EIF5B: variants seen among roughly 807,000 people sequenced by gnomAD.
The protein encoded by EIF5B is eukaryotic translation initiation factor 5B, also known as eIF-5B.
Under a neutral mutation model 147.5 loss-of-function variants are expected in EIF5B, and 47 were observed. That is an observed-to-expected ratio of 0.32 (90% CI 0.25 to 0.41). The LOEUF (loss-of-function observed/expected upper bound fraction) is 0.41, where lower values mean the gene tolerates loss of function less well. EIF5B is among the 10% of genes least tolerant of loss of function. EIF5B has a pLI of 1.00. For synonymous variants in EIF5B, 455 were observed against 456.2 expected (o/e 1.00, Z 0.03); for missense variants, 1,064 against 1,413.2 (o/e 0.75, Z 3.96).
intron 7 of EIF5B, 147 bp downstream of exon 7, chr2:99,368,738 A>G (rs1674378411): frequency 6.2e-6 from 4 of 646,388 alleles, no homozygotes; most frequent in Non-Finnish European, 1.1e-5. Flanking sequence ...TATTAATGCC[A>G]TTATTCTCAC....
At chr2:99,364,621 A>G (rs1440825917) in intron 6 of EIF5B, among the ~76,000 whole-genome samples, 200 bp downstream of exon 6, 3 of 152,236 alleles carry the variant, frequency 2.0e-5, no homozygotes, top group African/African-American at 4.8e-5. Flanking sequence ...ATAAAAATTT[A>G]TATGTAAATG....
At chr2:99,338,318 TAG>T (rs2094249153) in intron 1 of EIF5B, 1 of 1,288,928 alleles carries the variant, frequency 7.8e-7, no homozygotes, top group Non-Finnish European at 1.0e-6. Context: ...GTTACTTACC[TAG>T]AGATTTTTGA....
chr2:99,340,345 A>G (rs984204116), intron 1 of EIF5B, among the ~76,000 whole-genome samples: 1 of 152,212 alleles, frequency 6.6e-6, no homozygotes, highest in Admixed American at 6.5e-5. Context: ...TAGGATTAGT[A>G]TTCTTGTTTG....
rs797002764 is a variant in EIF5B at position 99,381,518 on chromosome 2, G to GTGTGTGTGTGT, written c.2062-641_2062-640insTGTGTGTGTGT. ...GTAGATAAGCATAATACAAAAAGGG[G>GTGTGTGTGTGT]GTGTGTGTGTGTGTGTGTGTGTGTG... On this transcript the variant is annotated intron_variant, in intron 12 of 23. Transcript: ENST00000289371. Among the ~76,000 whole-genome samples the GTGTGTGTGTGT allele has an allele frequency of 5.1e-3, 728 of 143,056 alleles. 9 individuals carry two copies. The highest frequency in any genetic ancestry group is 0.015 in the African/African-American group (566 of 38,286). The allele number at this position is 143,056 out of a possible 152,430, so 93.9% of individuals were successfully genotyped here.
intron 22 of EIF5B, 131 bp from the exon 23 acceptor site, chr2:99,398,617 A>T (rs1267649378): frequency 2.2e-6 from 2 of 929,504 alleles, no homozygotes; most frequent in African/African-American, 3.4e-5. Flanking sequence ...ACCGTGAGTG[A>T]TGAAAGGATC....
chr2:99,367,421 A>T (rs1008674317), intron 6 of EIF5B, among the ~76,000 whole-genome samples: 1 of 136,696 alleles, frequency 7.3e-6, no homozygotes, highest in Admixed American at 8.7e-5. Flanking sequence ...CATTCAGAGC[A>T]GTTGAAACTC....
intron 6 of EIF5B, among the ~76,000 whole-genome samples, chr2:99,364,850 A>G (rs1674295153): frequency 6.6e-6 from 1 of 151,338 alleles, no homozygotes; most frequent in Admixed American, 6.6e-5. Context: ...GTTTGCCCAC[A>G]TGACCACGGT....
At chr2:99,379,965 C>A (rs1188500962) in intron 12 of EIF5B, among the ~76,000 whole-genome samples, 2 of 152,238 alleles carry the variant, frequency 1.3e-5, no homozygotes, top group Non-Finnish European at 1.5e-5. Flanking sequence ...TGTAGCTTTC[C>A]AATCAAAGAT....
At position 99,368,590 on chromosome 2, in the gene EIF5B, A is replaced by G; in HGVS notation, c.1386A>G (p.Glu462=). 6.2e-7 allele frequency: 1 copy of G among 1,605,594 alleles called. No individual in the cohort carries two copies. The highest frequency in any genetic ancestry group is 8.5e-7 in the Non-Finnish European group (1 of 1,172,858). The part of the protein sequence containing the change: ...KKIPQQLESK[E]VSESMELCAA... Reference sequence around the variant, plus strand: ...TACCACAGCAGCTAGAAAGTAAAGAAGGTTTGTATACAAAATAGCCTCTAA... The same window carrying G: ...TACCACAGCAGCTAGAAAGTAAAGAGGGTTTGTATACAAAATAGCCTCTAA... Residue 462 remains glutamate, a splice_region_variant and synonymous_variant, in exon 7 of 24, where the codon GAA becomes GAG. Coordinates refer to ENST00000289371, the MANE Select transcript of EIF5B (RefSeq NM_015904.4).
chr2:99,399,119 T>G (rs927270275), intron 23 of EIF5B, 188 bp from the exon 24 acceptor site: 6 of 776,208 alleles, frequency 7.7e-6, no homozygotes, highest in Non-Finnish European at 1.2e-5. Context: ...CTAGGACTTT[T>G]AGGTCCCCTC....
intron 8 of EIF5B, 85 bp from the exon 9 acceptor site, chr2:99,371,571 C>A: frequency 9.9e-7 from 1 of 1,012,876 alleles, no homozygotes. Context: ...TTTTTTATGT[C>A]AGAGCATAAT....
chr2:99,363,996 C>T, intron 5 of EIF5B, 134 bp downstream of exon 5: 1 of 1,063,278 alleles, frequency 9.4e-7, no homozygotes, highest in Non-Finnish European at 1.3e-6. Context: ...TGTTCCGATA[C>T]AAATAATAAG....
At chr2:99,386,819 A>G (rs1436685757) in intron 14 of EIF5B, among the ~76,000 whole-genome samples, 1 of 152,164 alleles carries the variant, frequency 6.6e-6, no homozygotes, top group Non-Finnish European at 1.5e-5. Flanking sequence ...TGCTGGGATT[A>G]CAGGCGTGAG....
At chr2:99,370,958 T>C (rs1467414564) in intron 8 of EIF5B, among the ~76,000 whole-genome samples, 2 of 152,148 alleles carry the variant, frequency 1.3e-5, no homozygotes, top group Non-Finnish European at 2.9e-5. Context: ...AAATAATAAA[T>C]TCCTTGCATA....
intron 1 of EIF5B, among the ~76,000 whole-genome samples, chr2:99,351,688 T>G (rs374687348): frequency 2.1e-4 from 23 of 110,000 alleles, no homozygotes; most frequent in Non-Finnish European, 2.8e-4. Flanking sequence ...TATCATTGTG[T>G]TTTTTTTTTG....
chr2:99,382,855 C>G lies in EIF5B; in HGVS notation c.2205C>G (p.Pro735=). ...LVVDIMHGLE[P]QTIESINLLK... is the part of the protein sequence containing the mutation. ...TTGATATTATGCATGGTTTGGAGCCCCAGACAATTGAGTCTATCAACCTTC... is the reference window on the plus strand; with the variant it reads ...TTGATATTATGCATGGTTTGGAGCCGCAGACAATTGAGTCTATCAACCTTC... The change falls in exon 14 of 24, where the codon CCC becomes CCG. Residue 735 remains proline (P), a synonymous_variant. Coordinates refer to ENST00000289371, the MANE Select transcript of EIF5B (RefSeq NM_015904.4). The G allele has an allele frequency of 6.2e-7, 1 of 1,611,982 alleles. No individual in the cohort carries two copies. The highest frequency in any genetic ancestry group is 8.5e-7 in the Non-Finnish European group (1 of 1,179,124).
chr2:99,354,386 GA>G (rs1273777430), intron 1 of EIF5B, among the ~76,000 whole-genome samples: 1 of 152,090 alleles, frequency 6.6e-6, no homozygotes, highest in Non-Finnish European at 1.5e-5. Context: ...GGATTGTTTG[GA>G]TTTATTTTAC....
chr2:99,340,742 T>C (rs2094257527), intron 1 of EIF5B: 1 of 152,218 alleles, frequency 6.6e-6, no homozygotes, highest in Admixed American at 6.5e-5. Flanking sequence ...AAGACCAAGT[T>C]CTAGAATTCT....
At chr2:99,363,992 G>A (rs1377617773) in intron 5 of EIF5B, 130 bp downstream of exon 5, 28 of 1,066,796 alleles carry the variant, frequency 2.6e-5, no homozygotes, top group South Asian at 1.1e-4. Context: ...TTATTGTTCC[G>A]ATACAAATAA....
Sources: gnomAD v4.1 joint callset for allele counts (sites outside exome capture counted in the v4.1 genomes callset) on GRCh38, gnomAD v4.1.1 for gene constraint, MANE v1.5 for transcripts, NCBI Gene and HGNC (gene_info 2026-07-23, HGNC 2026-07-21) for gene names.